The following LEF1 variants were observed in gnomAD, a reference collection of about 807,000 sequenced individuals.
The protein encoded by LEF1 is lymphoid enhancer binding factor 1, also known as lymphoid enhancer-binding factor 1.
A neutral mutation model predicts 51.2 loss-of-function variants in LEF1; 14 were observed. The ratio of observed to expected loss-of-function variants is 0.27; its 90% CI spans 0.18 to 0.43. The LOEUF (loss-of-function observed/expected upper bound fraction) is 0.43, where lower values mean the gene tolerates loss of function less well. Ranked by LOEUF, LEF1 falls within the 20% of genes least tolerant of loss-of-function variation. The pLI, the probability that LEF1 is intolerant of heterozygous loss-of-function variation, is 1.00. For synonymous variants in LEF1, 185 were observed against 183.2 expected (o/e 1.01, Z -0.08); for missense variants, 386 against 512.0 (o/e 0.75, Z 2.37).
chr4:108,147,437 C>T (rs1744062695), intron 3 of LEF1, among the ~76,000 whole-genome samples: 1 of 152,176 alleles, frequency 6.6e-6, no homozygotes, highest in Admixed American at 6.5e-5. Context: ...ATTTCTCTCA[C>T]CACTACACAG....
Position 108,153,378 on chromosome 4 carries a change from G to A in LEF1, c.414+10190C>T, listed in dbSNP as rs557148268. On this transcript the variant is annotated intron_variant, in intron 3 of 11. Transcript: ENST00000265165. ...CACAGTTCAAGTCACGTTCTCCAAT[G>A]TAGCCTTATTGATAATACAGTTGGT... 3.3e-5 allele frequency among the ~76,000 whole-genome samples: 5 copies of A among 152,290 alleles called. No individual in the cohort carries two copies. The South Asian group carries it at 1.0e-3, about 32-fold the overall frequency.
At position 108,078,366 on chromosome 4, in the gene LEF1, G is replaced by T. The variant is rs774894331; in HGVS notation, c.862C>A (p.Gln288Lys). The T allele has an allele frequency of 6.2e-7, 1 of 1,613,960 alleles. No individual in the cohort carries two copies. Among genetic ancestry groups the T allele is most frequent in the African/African-American group, 1.3e-5 (1 of 74,886 alleles). ...DLMHVKPQHE[Q>K]RKEQEPKRPH... ...CTTTTTGGCTCCTGCTCCTTTCTCTGTTCATGCTGAGGCTTCCTAAAAGGT... is the reference window on the plus strand; with the variant it reads ...CTTTTTGGCTCCTGCTCCTTTCTCTTTTCATGCTGAGGCTTCCTAAAAGGT... Residue 288 changes from glutamine to lysine, a missense_variant, in exon 8 of 12, where the codon CAG becomes AAG. Around this residue, in one of 2 missense-constraint regions of LEF1, gnomAD observed 335 missense variants for 390.7 expected, o/e 0.86. Coordinates refer to ENST00000265165, the MANE Select transcript of LEF1 (RefSeq NM_016269.5).
At chr4:108,152,747 AT>A (rs1231199850) in intron 3 of LEF1, among the ~76,000 whole-genome samples, 1 of 152,232 alleles carries the variant, frequency 6.6e-6, no homozygotes, top group Non-Finnish European at 1.5e-5. Context: ...GATTCAGGAC[AT>A]TTGCAGACGG....
chr4:108,113,959 A>C (rs1264935264), intron 3 of LEF1, among the ~76,000 whole-genome samples: 1 of 152,248 alleles, frequency 6.6e-6, no homozygotes, highest in Non-Finnish European at 1.5e-5. Context: ...GAAGACAAAG[A>C]ATAAAAAATA....
chr4:108,148,682 T>C (rs978560560), intron 3 of LEF1, among the ~76,000 whole-genome samples: 1 of 152,212 alleles, frequency 6.6e-6, no homozygotes, highest in African/African-American at 2.4e-5. Context: ...CTTCAATGAA[T>C]ATTTACGGAA....
intron 3 of LEF1, among the ~76,000 whole-genome samples, chr4:108,107,432 C>A (rs1005991124): frequency 6.6e-6 from 1 of 151,844 alleles, no homozygotes; most frequent in African/African-American, 2.4e-5. Context: ...AGGTAATTTT[C>A]GTCTCTTATG....
At chr4:108,048,782 T>A (rs764957935) in intron 11 of LEF1, 31 bp from the exon 12 acceptor site, 1 of 1,540,458 alleles carries the variant, frequency 6.5e-7, no homozygotes. Context: ...ATGCTATTAA[T>A]ATGAATTTGC....
intron 3 of LEF1, among the ~76,000 whole-genome samples, chr4:108,150,255 T>C (rs577419009): frequency 3.9e-5 from 6 of 152,322 alleles, no homozygotes; most frequent in African/African-American, 1.4e-4. Flanking sequence ...TCTTATGTAA[T>C]AAGGAGGCAA....
Position 108,081,647 on chromosome 4 carries a change from T to A in LEF1, c.661A>T (p.Ile221Phe), listed in dbSNP as rs756499364. 6 of 1,613,912 alleles carry A rather than the reference T, an allele frequency of 3.7e-6. No individual in the cohort carries two copies. The highest frequency in any genetic ancestry group is 5.1e-6 in the Non-Finnish European group (6 of 1,179,970). Residue 221 changes from isoleucine (I) to phenylalanine (F), a missense_variant, in exon 6 of 12, where the codon ATC becomes TTC. Ile to Phe is a conservative substitution (Grantham distance 21). Coordinates refer to ENST00000265165, the MANE Select transcript of LEF1 (RefSeq NM_016269.5). ...LGWQGQPVYP[I>F]TGGFRQPYPS... ...TAGGGTTGCCTGAATCCACCCGTGA[T>A]GGGATATACAGGCTGACCTTGCCTG...
At chr4:108,157,018 G>A (rs1744743522) in intron 3 of LEF1, among the ~76,000 whole-genome samples, 1 of 152,096 alleles carries the variant, frequency 6.6e-6, no homozygotes, top group East Asian at 1.9e-4. Context: ...ATATATCTTA[G>A]TAGGTCAAAT....
At chr4:108,158,646 G>A (rs1484008150) in intron 3 of LEF1, among the ~76,000 whole-genome samples, 1 of 151,516 alleles carries the variant, frequency 6.6e-6, no homozygotes. Context: ...AACAAAAGGA[G>A]TCAAAAATGA....
intron 3 of LEF1, among the ~76,000 whole-genome samples, chr4:108,162,498 C>T (rs1745123837): frequency 6.6e-6 from 1 of 152,196 alleles, no homozygotes; most frequent in South Asian, 2.1e-4. Context: ...AGATTTTGTT[C>T]ACTAAGGTAT....
intron 3 of LEF1, among the ~76,000 whole-genome samples, chr4:108,096,197 T>C (rs1371572614): frequency 6.6e-6 from 1 of 152,012 alleles, no homozygotes; most frequent in African/African-American, 2.4e-5. Flanking sequence ...GGGGCATAAG[T>C]AAAAGAAAGG....
intron 3 of LEF1, among the ~76,000 whole-genome samples, chr4:108,156,061 A>T (rs1744676840): frequency 1.3e-5 from 2 of 152,230 alleles, no homozygotes; most frequent in African/African-American, 4.8e-5. Flanking sequence ...ATGAATTGAA[A>T]AGCATTAACC....
At chr4:108,118,456 A>C (rs1741971825) in intron 3 of LEF1, among the ~76,000 whole-genome samples, 1 of 152,206 alleles carries the variant, frequency 6.6e-6, no homozygotes, top group Non-Finnish European at 1.5e-5. Flanking sequence ...GCTATAGTTA[A>C]ACTAACATGA....
chr4:108,104,983 C>A (rs1040462385), intron 3 of LEF1, among the ~76,000 whole-genome samples: 1 of 152,086 alleles, frequency 6.6e-6, no homozygotes, highest in Admixed American at 6.5e-5. Context: ...AGGCATGTGA[C>A]ACGGGAGCTG....
At chr4:108,079,906 G>C (rs901707984) in intron 6 of LEF1, among the ~76,000 whole-genome samples, 4 of 152,046 alleles carry the variant, frequency 2.6e-5, no homozygotes, top group Admixed American at 2.0e-4. Flanking sequence ...CTTTTTAAAT[G>C]ATTTTTAAAT....
intron 3 of LEF1, among the ~76,000 whole-genome samples, chr4:108,149,249 G>C (rs890683002): frequency 6.6e-6 from 1 of 151,104 alleles, no homozygotes; most frequent in African/African-American, 2.4e-5. Context: ...CATGAGGTCA[G>C]GAGATCGAGA....
At chr4:108,105,213 C>T (rs1741084793) in intron 3 of LEF1, among the ~76,000 whole-genome samples, 1 of 137,400 alleles carries the variant, frequency 7.3e-6, no homozygotes, top group African/African-American at 2.7e-5. Context: ...TGGAGTCTTG[C>T]TCTGTTGCCC....
Sources: allele counts gnomAD v4.1 joint callset (sites outside exome capture counted in the v4.1 genomes callset), GRCh38; gene constraint gnomAD v4.1.1; regional missense constraint gnomAD v4.1.1; transcripts MANE v1.5; gene names NCBI Gene and HGNC (gene_info 2026-07-23, HGNC 2026-07-21).